Variants in PREX1 observed in about 807,000 individuals in gnomAD.
The protein encoded by PREX1 is phosphatidylinositol-3,4,5-trisphosphate dependent Rac exchange factor 1.
A neutral mutation model predicts 198.3 loss-of-function variants in PREX1; 41 were observed. The observed-to-expected ratio is 0.21, with a 90% CI of 0.16 to 0.27. The LOEUF (loss-of-function observed/expected upper bound fraction) is 0.27. Among genes scored for constraint, PREX1 ranks in the 10% least tolerant of loss-of-function variants. The pLI is 1.00. For synonymous variants in PREX1, 843 were observed against 887.2 expected (o/e 0.95, Z 0.89); for missense variants, 1,620 against 2,200.7 (o/e 0.74, Z 5.28).
the PREX1 span, among the ~76,000 whole-genome samples, chr20:48,853,131 C>T: frequency 9.2e-5 from 14 of 152,116 alleles, no homozygotes; most frequent in South Asian, 2.7e-3. Flanking sequence ...GAATATGATA[C>T]CTGTTTAAAA....
At chr20:48,693,152 G>A (rs913177899) in intron 7 of PREX1, among the ~76,000 whole-genome samples, 5 of 152,066 alleles carry the variant, frequency 3.3e-5, no homozygotes, top group Middle Eastern at 3.4e-3. Flanking sequence ...CCTGAAATAC[G>A]ACCAGAATGG....
chr20:48,634,861 C>A, intron 32 of PREX1, 86 bp from the exon 33 acceptor site: 1 of 1,178,510 alleles, frequency 8.5e-7, no homozygotes, highest in South Asian at 1.3e-5. Context: ...CAACTCTAGT[C>A]GGCACTCCAC....
At chr20:48,881,596 C>A in the PREX1 span, among the ~76,000 whole-genome samples, 1 of 151,814 alleles carries the variant, frequency 6.6e-6, no homozygotes, top group Non-Finnish European at 1.5e-5. Flanking sequence ...AAGGGATTCT[C>A]CTGCCTCAGC....
At chr20:48,816,471 G>A (rs1245623812) in intron 1 of PREX1, among the ~76,000 whole-genome samples, 1 of 152,206 alleles carries the variant, frequency 6.6e-6, no homozygotes, top group Non-Finnish European at 1.5e-5. Flanking sequence ...AGCTGACTGA[G>A]TGAGCCTGAC....
At chr20:48,840,762 C>T in the PREX1 span, among the ~76,000 whole-genome samples, 12 of 152,274 alleles carry the variant, frequency 7.9e-5, no homozygotes, top group African/African-American at 2.9e-4. Context: ...TCTGTGAGCT[C>T]CCATAGCTGT....
intron 2 of PREX1, among the ~76,000 whole-genome samples, chr20:48,746,484 C>T (rs1478832442): frequency 2.0e-5 from 3 of 152,216 alleles, no homozygotes; most frequent in African/African-American, 7.2e-5. Context: ...CACACAACAT[C>T]ATGGGCAAAT....
chr20:48,681,350 A>G lies in PREX1; in HGVS notation c.1335-15T>C. 2.5e-6 allele frequency: 4 copies of G among 1,612,930 alleles called. No homozygotes were observed. The highest frequency in any genetic ancestry group is 3.4e-6 in the Non-Finnish European group (4 of 1,178,890). ...CAACGAACTCACTGCCAGGAACACA[A>G]TATGTGGTTGAGAGGATTTCCCCAA... On this transcript the variant is annotated splice_polypyrimidine_tract_variant and intron_variant, in intron 10 of 39. Transcript: ENST00000371941.
chr20:48,730,428 C>T (rs2090029836), intron 4 of PREX1, among the ~76,000 whole-genome samples: 1 of 150,950 alleles, frequency 6.6e-6, no homozygotes. Flanking sequence ...CACACACACA[C>T]ACACACACAC....
At chr20:48,848,558 A>G in the PREX1 span, among the ~76,000 whole-genome samples, 1 of 151,840 alleles carries the variant, frequency 6.6e-6, no homozygotes, top group Non-Finnish European at 1.5e-5. Flanking sequence ...CACCCGGCCT[A>G]TTATTACTTA....
Position 48,821,337 on chromosome 20 carries a change from C to T in PREX1, c.219+6305G>A, listed in dbSNP as rs187631143. Among the ~76,000 whole-genome samples the T allele has an allele frequency of 2.6e-3, 399 of 152,300 alleles. 2 individuals are homozygous for T. The highest frequency in any genetic ancestry group is 0.01 in the Middle Eastern group (3 of 294). On this transcript the variant is annotated intron_variant, in intron 1 of 39. Coordinates refer to ENST00000371941, the MANE Select transcript of PREX1 (RefSeq NM_020820.4). ...GAGTGGCTACTGCCCTTAACTGGTG[C>T]TCACCTCCCCTCTGGGGACGCAATT...
intron 1 of PREX1, among the ~76,000 whole-genome samples, chr20:48,818,015 T>C (rs2090466301): frequency 6.6e-6 from 1 of 151,960 alleles, no homozygotes; most frequent in African/African-American, 2.4e-5. Context: ...GGTGGGGATG[T>C]GCGGTGTCAG....
At chr20:48,630,602 C>T (rs948867321) in intron 36 of PREX1, 126 bp downstream of exon 36, 32 of 716,074 alleles carry the variant, frequency 4.5e-5, no homozygotes, top group Non-Finnish European at 9.2e-6. Flanking sequence ...GGAGAGACTG[C>T]AGGGTCTCAA....
intron 5 of PREX1, among the ~76,000 whole-genome samples, chr20:48,722,812 G>A (rs552337159): frequency 6.6e-6 from 1 of 152,320 alleles, no homozygotes; most frequent in South Asian, 2.1e-4. Context: ...CTCCTGCAGG[G>A]CCCAGCCCAA....
intron 1 of PREX1, among the ~76,000 whole-genome samples, chr20:48,819,880 T>G (rs1039678457): frequency 2.6e-5 from 4 of 152,168 alleles, no homozygotes; most frequent in African/African-American, 7.2e-5. Flanking sequence ...GATGAAAGCA[T>G]CAACTGCCCA....
intron 5 of PREX1, among the ~76,000 whole-genome samples, chr20:48,712,984 C>T (rs995105201): frequency 1.3e-5 from 2 of 152,076 alleles, no homozygotes; most frequent in Admixed American, 6.5e-5. Context: ...ATTAGCCGGG[C>T]GTGGCGGCAC....
At chr20:48,670,941 T>C (rs990846671) in intron 14 of PREX1, among the ~76,000 whole-genome samples, 2 of 152,194 alleles carry the variant, frequency 1.3e-5, no homozygotes, top group African/African-American at 4.8e-5. Context: ...CTCAAGTTGT[T>C]CTGAGGATTA....
chr20:48,653,623 A>C, intron 19 of PREX1, 126 bp from the exon 20 acceptor site: 2 of 1,188,936 alleles, frequency 1.7e-6, no homozygotes, highest in Admixed American at 2.2e-5. Context: ...CACCCCTCCC[A>C]CCCCAGAGCC....
the PREX1 span, among the ~76,000 whole-genome samples, chr20:48,887,607 G>A: frequency 6.6e-6 from 1 of 151,890 alleles, no homozygotes; most frequent in South Asian, 2.1e-4. Context: ...GCGACAGAGT[G>A]AGACCCCAAC....
At chr20:48,655,511 C>A in intron 18 of PREX1, 136 bp from the exon 19 acceptor site, 1 of 653,656 alleles carries the variant, frequency 1.5e-6, no homozygotes, top group Non-Finnish European at 2.5e-6. Flanking sequence ...AGTAGCACCA[C>A]CAGGCTTTCC....
Sources: allele counts gnomAD v4.1 joint callset (sites outside exome capture counted in the v4.1 genomes callset), GRCh38; gene constraint gnomAD v4.1.1; transcripts MANE v1.5; gene names NCBI Gene and HGNC (gene_info 2026-07-23, HGNC 2026-07-21).